The following SERINC5 variants were observed in gnomAD, a reference collection of about 807,000 sequenced individuals.
The protein encoded by SERINC5 is chromosome 5 open reading frame 12.
SERINC5 carries 41 observed loss-of-function variants against 63.1 expected under a neutral mutation model. That is an observed-to-expected ratio of 0.65 (90% confidence interval 0.51 to 0.84). SERINC5 has a LOEUF of 0.84. SERINC5 is among the 40% of genes least tolerant of loss of function. The pLI, the probability that SERINC5 is intolerant of heterozygous loss-of-function variation, is 0.00. For missense variants in SERINC5, 523 were observed against 573.0 expected, an observed-to-expected ratio of 0.91 and a Z score of 0.89; for synonymous variants, 222 against 215.2, an observed-to-expected ratio of 1.03 and a Z score of -0.28.
At chr5:80,247,055 C>T (rs1178974782) in intron 1 of SERINC5, among the ~76,000 whole-genome samples, 1 of 152,172 alleles carries the variant, frequency 6.6e-6, no homozygotes, top group African/African-American at 2.4e-5. Flanking sequence ...TGGGTCTTTA[C>T]AATTAGGCAG....
intron 1 of SERINC5, among the ~76,000 whole-genome samples, chr5:80,204,745 T>C (rs115930430): frequency 6.6e-6 from 1 of 151,844 alleles, no homozygotes; most frequent in African/African-American, 2.4e-5. Context: ...AAACAAAAAG[T>C]TGGGCCCAAG....
chr5:80,169,205 G>A (rs1747489329), intron 6 of SERINC5, 130 bp downstream of exon 6: 8 of 719,378 alleles, frequency 1.1e-5, no homozygotes, highest in Middle Eastern at 2.8e-4. Flanking sequence ...GCCTACTGCT[G>A]ACACATCCAC....
At chr5:80,180,977 C>A (rs34988772) in intron 2 of SERINC5, among the ~76,000 whole-genome samples, 14,699 of 152,098 alleles carry the variant, frequency 0.097, 867 homozygotes, top group Non-Finnish European at 0.14. Flanking sequence ...GTTTAGGGAC[C>A]AGCAGAGAAT....
At chr5:80,130,835 C>G (rs1183433921) in intron 11 of SERINC5, among the ~76,000 whole-genome samples, 1 of 152,166 alleles carries the variant, frequency 6.6e-6, no homozygotes, top group Non-Finnish European at 1.5e-5. Flanking sequence ...AGGCATCATT[C>G]TAGACACTGG....
At chr5:80,152,364 G>A (rs113225943) in intron 8 of SERINC5, among the ~76,000 whole-genome samples, 8,190 of 152,096 alleles carry the variant, frequency 0.054, 746 homozygotes, top group African/African-American at 0.19. Context: ...AGCCAGGTGT[G>A]GTGGCACATG....
intron 2 of SERINC5, among the ~76,000 whole-genome samples, chr5:80,189,891 G>A (rs1263858326): frequency 6.6e-6 from 1 of 151,836 alleles, no homozygotes; most frequent in Non-Finnish European, 1.5e-5. Context: ...TTTACTTTTT[G>A]TAGAGACAGG....
At chr5:80,190,035 A>G (rs191338664) in intron 2 of SERINC5, among the ~76,000 whole-genome samples, 5 of 151,960 alleles carry the variant, frequency 3.3e-5, no homozygotes, top group Non-Finnish European at 7.4e-5. Context: ...TTTCTTCTTA[A>G]ATGTGTGGAC....
downstream of SERINC5, among the ~76,000 whole-genome samples, chr5:80,133,970 G>A (rs1280020191): frequency 6.6e-6 from 1 of 152,186 alleles, no homozygotes; most frequent in African/African-American, 2.4e-5. Context: ...TTATCAATCT[G>A]GTTAGGGACA....
At chr5:80,126,081 C>T (rs537156744) in intron 11 of SERINC5, among the ~76,000 whole-genome samples, 8 of 152,112 alleles carry the variant, frequency 5.3e-5, no homozygotes, top group African/African-American at 1.9e-4. Flanking sequence ...GAGAAGAGTA[C>T]TTTGGAGTCA....
intron 2 of SERINC5, among the ~76,000 whole-genome samples, chr5:80,180,989 T>C (rs948900653): frequency 4.6e-5 from 7 of 152,156 alleles, no homozygotes; most frequent in African/African-American, 1.7e-4. Context: ...GCAGAGAATT[T>C]ACTTATGAGC....
At chr5:80,226,101 C>G (rs746511532) in intron 1 of SERINC5, among the ~76,000 whole-genome samples, 1 of 152,064 alleles carries the variant, frequency 6.6e-6, no homozygotes, top group Non-Finnish European at 1.5e-5. Context: ...TCTGTCCCCC[C>G]AGGTTGGAGT....
At chr5:80,217,096 T>A (rs1218077072) in intron 1 of SERINC5, among the ~76,000 whole-genome samples, 5 of 148,264 alleles carry the variant, frequency 3.4e-5, no homozygotes, top group Non-Finnish European at 7.5e-5. Context: ...TCTTAATTTT[T>A]AATTTTAATT....
At chr5:80,147,098 A>G (rs1745873759) in intron 10 of SERINC5, 147 bp downstream of exon 10, 1 of 684,440 alleles carries the variant, frequency 1.5e-6, no homozygotes, top group Non-Finnish European at 2.4e-6. Context: ...GAAGAATGTG[A>G]AAAGTGTATA....
chr5:80,228,459 A>AT (rs34400088), intron 1 of SERINC5, among the ~76,000 whole-genome samples: 77,810 of 150,514 alleles, frequency 0.52, 21,126 homozygotes, highest in African/African-American at 0.7. Context: ...ACTATTAAGA[A>AT]TTTTTTTTTT....
chr5:80,251,429 TATAAAG>T (rs1288479827), intron 1 of SERINC5, among the ~76,000 whole-genome samples: 5 of 152,196 alleles, frequency 3.3e-5, no homozygotes, highest in Admixed American at 1.3e-4. Context: ...ATAAACTGGC[TATAAAG>T]ATAGAGTGAA....
chr5:80,234,913 ACT>A (rs1427112997), intron 1 of SERINC5, among the ~76,000 whole-genome samples: 3 of 151,426 alleles, frequency 2.0e-5, no homozygotes, highest in Non-Finnish European at 4.4e-5. Flanking sequence ...GATTTAACTT[ACT>A]CTTTTTTTTT....
intron 1 of SERINC5, among the ~76,000 whole-genome samples, chr5:80,224,681 C>T (rs951701207): frequency 7.2e-5 from 11 of 152,118 alleles, no homozygotes; most frequent in South Asian, 2.1e-4. Context: ...GGCTGGAATG[C>T]GATGGTGTGA....
intron 11 of SERINC5, among the ~76,000 whole-genome samples, chr5:80,133,325 G>A (rs1474738974): frequency 6.6e-6 from 1 of 152,194 alleles, no homozygotes; most frequent in Admixed American, 6.5e-5. Flanking sequence ...GCCTAAAACA[G>A]GGAGGAAAAA....
At chr5:80,144,432 A>G (rs1208148643) in intron 11 of SERINC5, among the ~76,000 whole-genome samples, 2 of 152,130 alleles carry the variant, frequency 1.3e-5, no homozygotes, top group East Asian at 3.8e-4. Context: ...GAGATGCCAA[A>G]CTCTTTTCCA....
Sources: allele counts gnomAD v4.1 joint callset (sites outside exome capture counted in the v4.1 genomes callset), GRCh38; gene constraint gnomAD v4.1.1; transcripts MANE v1.5; gene names NCBI Gene and HGNC (gene_info 2026-07-23, HGNC 2026-07-21).